The following RPTOR variants were observed in gnomAD, a reference collection of about 807,000 sequenced individuals.
RPTOR encodes the protein regulatory-associated protein of mTOR.
In RPTOR, 21 loss-of-function variants were observed where a neutral mutation model predicts 169.9. The ratio of observed to expected loss-of-function variants is 0.12; its 90% CI spans 0.09 to 0.18. RPTOR has a LOEUF of 0.18. Ranked by LOEUF, RPTOR falls within the 10% of genes least tolerant of loss-of-function variation. RPTOR has a pLI of 1.00. For synonymous variants in RPTOR, 732 were observed against 753.2 expected (o/e 0.97, Z 0.46); for missense variants, 1,133 against 1,855.9 (o/e 0.61, Z 7.16).
intron 7 of RPTOR, among the ~76,000 whole-genome samples, chr17:80,805,797 G>A (rs1015213238): frequency 1.3e-5 from 2 of 152,276 alleles, no homozygotes; most frequent in South Asian, 2.1e-4. Flanking sequence ...CCTCCAGAGT[G>A]GCCATTCCTG....
chr17:80,888,002 G>A (rs893892734), intron 17 of RPTOR, among the ~76,000 whole-genome samples: 23 of 152,368 alleles, frequency 1.5e-4, no homozygotes, highest in African/African-American at 4.3e-4. Flanking sequence ...TGCCTGGGCC[G>A]GGCTGGGCAG....
chr17:80,672,568 A>C (rs895518183), intron 3 of RPTOR, among the ~76,000 whole-genome samples: 3 of 152,156 alleles, frequency 2.0e-5, no homozygotes, highest in Non-Finnish European at 4.4e-5. Context: ...AGGCGGGCAG[A>C]TCACGAAGTC....
intron 3 of RPTOR, among the ~76,000 whole-genome samples, chr17:80,702,001 C>G (rs1400436824): frequency 6.6e-6 from 1 of 152,158 alleles, no homozygotes; most frequent in African/African-American, 2.4e-5. Context: ...CAGAGTCCCT[C>G]CCATGCTCAG....
At chr17:80,596,704 A>G (rs11150867) in intron 1 of RPTOR, among the ~76,000 whole-genome samples, 151,818 of 152,328 alleles carry the variant, frequency 1, 75,661 homozygotes, top group Middle Eastern at 1. Context: ...TGATGATGTC[A>G]ATATCTCATT....
intron 15 of RPTOR, 73 bp from the exon 16 acceptor site, chr17:80,883,708 C>G: frequency 6.6e-7 from 1 of 1,520,654 alleles, no homozygotes; most frequent in Non-Finnish European, 9.1e-7. Flanking sequence ...CCACCGTTGT[C>G]CCGTGCAGGT....
chr17:80,622,625 G>A (rs1434233246), intron 1 of RPTOR, among the ~76,000 whole-genome samples: 1 of 152,210 alleles, frequency 6.6e-6, no homozygotes, highest in African/African-American at 2.4e-5. Context: ...TATTGGCTGG[G>A]TGCAGTGGCG....
intron 6 of RPTOR, among the ~76,000 whole-genome samples, chr17:80,756,721 G>A (rs1254784109): frequency 6.6e-6 from 1 of 152,190 alleles, no homozygotes; most frequent in Non-Finnish European, 1.5e-5. Flanking sequence ...ATAAATGTTT[G>A]AGGTGATGTA....
intron 4 of RPTOR, among the ~76,000 whole-genome samples, chr17:80,729,722 T>C (rs1447950416): frequency 1.3e-5 from 2 of 152,232 alleles, no homozygotes; most frequent in African/African-American, 4.8e-5. Flanking sequence ...CGGCCAACTC[T>C]TAGAGCTCCC....
At chr17:80,827,496 G>A (rs909248128) in intron 9 of RPTOR, among the ~76,000 whole-genome samples, 1 of 152,220 alleles carries the variant, frequency 6.6e-6, no homozygotes, top group Non-Finnish European at 1.5e-5. Context: ...CAGGAGCCGG[G>A]TGCTGCATCC....
In RPTOR at chr17:80,845,521, T is replaced by A. The variant is rs1032692399; in HGVS notation, c.1213-952T>A. Among the ~76,000 whole-genome samples the A allele has an allele frequency of 4.6e-5, 7 of 151,668 alleles. No homozygotes were observed. The highest frequency in any genetic ancestry group is 4.6e-4 in the Admixed American group (7 of 15,240). Reference sequence around the variant, plus strand: ...ATCTGGGCCCCCTTGCTTTGCCGCCTGCCTGGTTCCCCTGGGGAGCAGCCC... The same window carrying A: ...ATCTGGGCCCCCTTGCTTTGCCGCCAGCCTGGTTCCCCTGGGGAGCAGCCC... On this transcript the variant is annotated intron_variant, in intron 10 of 33. Coordinates refer to ENST00000306801, the MANE Select transcript of RPTOR (RefSeq NM_020761.3). The surrounding 1 kb of genome is among the most constrained non-coding windows in gnomAD (Gnocchi z 5.4).
intron 6 of RPTOR, among the ~76,000 whole-genome samples, chr17:80,755,754 A>AG (rs1434527574): frequency 4.0e-5 from 6 of 151,350 alleles, no homozygotes; most frequent in Admixed American, 3.3e-4. Context: ...AAAAAAAAAA[A>AG]AAAAGAAACA....
intron 1 of RPTOR, among the ~76,000 whole-genome samples, chr17:80,556,447 G>A (rs1486274648): frequency 6.6e-6 from 1 of 152,094 alleles, no homozygotes; most frequent in South Asian, 2.1e-4. Context: ...GGAGGTTGAG[G>A]CTGCAGTAGT....
intron 2 of RPTOR, among the ~76,000 whole-genome samples, chr17:80,629,892 A>T (rs1260206093): frequency 6.6e-6 from 1 of 152,110 alleles, no homozygotes; most frequent in Non-Finnish European, 1.5e-5. Context: ...TCAGCTCTCT[A>T]TGTATTGCGC....
At chr17:80,783,004 TTG>T (rs2066956981) in intron 6 of RPTOR, among the ~76,000 whole-genome samples, 4 of 152,228 alleles carry the variant, frequency 2.6e-5, no homozygotes, top group South Asian at 4.2e-4. Context: ...TTGCTGTGTG[TTG>T]TGTGTGTGTT....
intron 6 of RPTOR, among the ~76,000 whole-genome samples, chr17:80,765,751 G>C (rs1290173748): frequency 6.6e-6 from 1 of 151,964 alleles, no homozygotes; most frequent in South Asian, 2.1e-4. Flanking sequence ...TTTTTCTCTC[G>C]TTATGGAGGA....
chr17:80,728,662 G>A (rs1380832540), intron 4 of RPTOR, among the ~76,000 whole-genome samples: 1 of 151,564 alleles, frequency 6.6e-6, no homozygotes, highest in Non-Finnish European at 1.5e-5. Flanking sequence ...AATTACCATA[G>A]ATTTATAGTA....
At chr17:80,809,336 C>A (rs567429409) in intron 7 of RPTOR, among the ~76,000 whole-genome samples, 3 of 152,138 alleles carry the variant, frequency 2.0e-5, no homozygotes, top group African/African-American at 4.8e-5. Context: ...GGATTACAGG[C>A]GGGCGCCACC....
intron 3 of RPTOR, among the ~76,000 whole-genome samples, chr17:80,686,296 C>T (rs993757960): frequency 1.3e-5 from 2 of 151,256 alleles, no homozygotes; most frequent in Non-Finnish European, 2.9e-5. Context: ...ACGCCATTCT[C>T]CTGCCTCAGC....
chr17:80,813,053 C>A (rs1281728507), intron 7 of RPTOR, among the ~76,000 whole-genome samples: 1 of 152,236 alleles, frequency 6.6e-6, no homozygotes, highest in Non-Finnish European at 1.5e-5. Context: ...GACAGAGAGG[C>A]CGCTCCTCTA....
Sources: gnomAD v4.1 joint callset for allele counts (sites outside exome capture counted in the v4.1 genomes callset) on GRCh38, gnomAD v4.1.1 for gene constraint, Gnocchi (gnomAD v3.1) non-coding constraint, MANE v1.5 for transcripts, NCBI Gene and HGNC (gene_info 2026-07-23, HGNC 2026-07-21) for gene names.